The following SPINK5 variants were observed in gnomAD, a reference collection of about 807,000 sequenced individuals.
SPINK5 encodes serine peptidase inhibitor Kazal type 5.
A neutral mutation model predicts 151.8 loss-of-function variants in SPINK5; 125 were observed. The observed-to-expected ratio is 0.82, with a 90% CI of 0.71 to 0.96. The LOEUF (loss-of-function observed/expected upper bound fraction) is 0.96, where lower values mean the gene tolerates loss of function less well. Among genes scored for constraint, SPINK5 ranks in the 40% least tolerant of loss-of-function variants. SPINK5 has a pLI of 0.00. For missense variants in SPINK5, 1,194 were observed against 1,291.9 expected, an observed-to-expected ratio of 0.92 and a Z score of 1.16; for synonymous variants, 374 against 395.3, an observed-to-expected ratio of 0.95 and a Z score of 0.64.
chr5:148,103,087 C>T (rs1753691391), intron 15 of SPINK5, among the ~76,000 whole-genome samples: 1 of 152,040 alleles, frequency 6.6e-6, no homozygotes, highest in Non-Finnish European at 1.5e-5. Flanking sequence ...TATAATCCAG[C>T]ATATTTTCCC....
intron 30 of SPINK5, 58 bp from the exon 31 acceptor site, chr5:148,131,201 G>C: frequency 6.2e-7 from 1 of 1,604,806 alleles, no homozygotes; most frequent in East Asian, 2.2e-5. Flanking sequence ...GTTTTCTTAA[G>C]CCCACCCCTC....
intron 4 of SPINK5, among the ~76,000 whole-genome samples, chr5:148,078,520 G>A (rs943876930): frequency 2.0e-5 from 3 of 150,450 alleles, no homozygotes; most frequent in Non-Finnish European, 1.5e-5. Context: ...ACATTTTCAG[G>A]ATACACTATA....
chr5:148,096,041 A>C, intron 10 of SPINK5, 136 bp downstream of exon 10: 1 of 705,850 alleles, frequency 1.4e-6, no homozygotes, highest in Non-Finnish European at 2.4e-6. Context: ...GTTTGCTGGA[A>C]ACTAATTTCT....
chr5:148,108,082 C>T (rs142323963), intron 17 of SPINK5, among the ~76,000 whole-genome samples: 1 of 152,118 alleles, frequency 6.6e-6, no homozygotes, highest in East Asian at 1.9e-4. Context: ...GGGTTTTTCT[C>T]TCACCCGTTC....
chr5:148,096,136 T>A (rs1267645772), intron 10 of SPINK5, among the ~76,000 whole-genome samples: 2 of 151,976 alleles, frequency 1.3e-5, no homozygotes, highest in African/African-American at 4.8e-5. Flanking sequence ...CAAGTCACAT[T>A]AATAATGTAG....
At chr5:148,067,054 T>C (rs957765519) in intron 2 of SPINK5, among the ~76,000 whole-genome samples, 1 of 152,182 alleles carries the variant, frequency 6.6e-6, no homozygotes, top group African/African-American at 2.4e-5. Context: ...AAAAGCATGT[T>C]AAATGTCATA....
intron 2 of SPINK5, 62 bp from the exon 3 acceptor site, chr5:148,070,261 A>G (rs1752701634): frequency 6.3e-7 from 1 of 1,581,522 alleles, no homozygotes; most frequent in Non-Finnish European, 8.7e-7. Flanking sequence ...ACATATATAT[A>G]TCAAAATAAA....
At chr5:148,093,856 T>C (rs1431271218) in intron 8 of SPINK5, among the ~76,000 whole-genome samples, 1 of 151,958 alleles carries the variant, frequency 6.6e-6, no homozygotes, top group Admixed American at 6.6e-5. Flanking sequence ...CAGATACAAG[T>C]GCCAAGTAGT....
Position 148,131,290 on chromosome 5 carries a change from T to G in SPINK5, c.2996T>G (p.Leu999Trp), listed in dbSNP as rs748765479. ...GAGATGTGCAAAGACTACCGAGTAT[T>G]GCCCAGGATAGGTTATCTTTGTCCA... ...DSEMCKDYRV[L>W]PRIGYLCPKD... The change falls in exon 31 of 33, where the codon TTG becomes TGG. Residue 999 changes from leucine to tryptophan, a missense_variant. Physicochemically the swap from Leu to Trp is moderately conservative, Grantham distance 61. Transcript: ENST00000256084. The G allele has an allele frequency of 7.4e-6, 12 of 1,613,902 alleles. No homozygotes were observed. The South Asian group carries it at 9.9e-5, about 13-fold the overall frequency.
chr5:148,101,720 A>AT lies in SPINK5; in HGVS notation c.1303-56dup. On this transcript the variant is annotated intron_variant, in intron 14 of 32. Coordinates refer to ENST00000256084, the MANE Select transcript of SPINK5 (RefSeq NM_006846.4). ...AAGAAAAAAAGTACAAGCTTTAGCT[A>AT]TTTTTGCAATCTGATTCAGCCTATG... 4.3e-6 allele frequency: 7 copies of AT among 1,612,536 alleles called. No individual in the cohort carries two copies. In the South Asian group the frequency reaches 7.7e-5, roughly 18 times the overall value.
At chr5:148,120,653 C>G (rs1754232583) in intron 26 of SPINK5, among the ~76,000 whole-genome samples, 1 of 152,074 alleles carries the variant, frequency 6.6e-6, no homozygotes, top group Non-Finnish European at 1.5e-5. Context: ...TTTTTTCTTT[C>G]CTTTGAGACA....
intron 4 of SPINK5, among the ~76,000 whole-genome samples, chr5:148,082,561 AC>A (rs1401103290): frequency 6.7e-6 from 1 of 149,798 alleles, no homozygotes; most frequent in African/African-American, 2.4e-5. Context: ...AGACTTTGTG[AC>A]CTCACAAATA....
At chr5:148,114,266 C>G in intron 20 of SPINK5, 96 bp from the exon 21 acceptor site, 1 of 1,324,278 alleles carries the variant, frequency 7.6e-7, no homozygotes, top group Non-Finnish European at 9.9e-7. Context: ...GTCATTTTCT[C>G]TCTCTTTTTT....
At position 148,064,096 on chromosome 5, in the gene SPINK5, C is replaced by T; in HGVS notation, c.52C>T (p.Gln18Ter). Residue 18 changes from glutamine (Q) to a stop codon, truncating the protein, a stop_gained, in exon 1 of 33, where the codon CAA (glutamine) becomes TAA (stop). Coordinates refer to ENST00000256084, the MANE Select transcript of SPINK5 (RefSeq NM_006846.4). LOFTEE classifies it high-confidence loss of function. ...VLLPLALCLI[Q>*]DAASKNEDQE... Reference sequence around the variant, plus strand: ...TCTGCCCTTGGCTCTTTGCCTCATACAAGGTGAGCAATTTGTGTGTAATCT... The same window carrying T: ...TCTGCCCTTGGCTCTTTGCCTCATATAAGGTGAGCAATTTGTGTGTAATCT... 6.2e-7 allele frequency: 1 copy of T among 1,614,108 alleles called. No homozygotes were observed. The highest frequency in any genetic ancestry group is 8.5e-7 in the Non-Finnish European group (1 of 1,180,016).
At chr5:148,075,096 A>G (rs900061781) in intron 4 of SPINK5, among the ~76,000 whole-genome samples, 1 of 151,464 alleles carries the variant, frequency 6.6e-6, no homozygotes, top group Non-Finnish European at 1.5e-5. Context: ...ATAATTGGTA[A>G]AGGATCCAGA....
At chr5:148,106,521 A>G (rs1753786495) in intron 16 of SPINK5, among the ~76,000 whole-genome samples, 1 of 151,838 alleles carries the variant, frequency 6.6e-6, no homozygotes, top group Non-Finnish European at 1.5e-5. Context: ...ATTTTTCTGT[A>G]GACACAGAGT....
chr5:148,068,554 C>CAAAAAAAAAA (rs1166912306), intron 2 of SPINK5, among the ~76,000 whole-genome samples: 2 of 89,232 alleles, frequency 2.2e-5, no homozygotes, highest in Non-Finnish European at 4.4e-5. Context: ...CCTGCCTCTC[C>CAAAAAAAAAA]AAAAAAAAAA....
chr5:148,065,208 T>C lies in SPINK5; in HGVS notation c.56-139T>C, dbSNP rs115476809. ...TTCTTTTATTTGCCATGATAAATCT[T>C]AATGTGTTCAAAAACCATTTGCGGT... is the stretch of plus-strand genomic sequence containing the variant. On this transcript the variant is annotated intron_variant, in intron 1 of 32. Transcript: ENST00000256084. 1,442 of 814,516 alleles carry C rather than the reference T, an allele frequency of 1.8e-3. 21 individuals are homozygous for C. The African/African-American group carries it at 0.022, about 13-fold the overall frequency. The allele number at this position is 814,516 out of a possible 1,614,324, so 50.5% of individuals were successfully genotyped here. A position where few individuals can be genotyped will look rare whatever the true frequency, so the allele number is the denominator to read the frequency against.
intron 32 of SPINK5, 78 bp downstream of exon 32, chr5:148,133,965 G>A (rs954281733): frequency 6.9e-7 from 1 of 1,447,946 alleles, no homozygotes; most frequent in Non-Finnish European, 9.7e-7. Flanking sequence ...CTTCCACTGA[G>A]TAATGGACAT....
Sources: allele counts gnomAD v4.1 joint callset (sites outside exome capture counted in the v4.1 genomes callset), GRCh38; gene constraint gnomAD v4.1.1; transcripts MANE v1.5; gene names NCBI Gene and HGNC (gene_info 2026-07-23, HGNC 2026-07-21).